MAF: variants seen among roughly 807,000 people sequenced by gnomAD.
MAF encodes the protein MAF bZIP transcription factor.
A neutral mutation model predicts 22.0 loss-of-function variants in MAF; 10 were observed. That is an observed-to-expected ratio of 0.45 (90% CI 0.28 to 0.77). MAF has a LOEUF of 0.77. MAF is among the 30% of genes least tolerant of loss of function. The pLI is 0.12. For synonymous variants in MAF, 337 were observed against 255.8 expected (o/e 1.32, Z -3.03); for missense variants, 544 against 548.4 (o/e 0.99, Z 0.08).
chr16:79,593,420 G>T (rs1201952913), downstream of MAF, among the ~76,000 whole-genome samples: 1 of 152,154 alleles, frequency 6.6e-6, no homozygotes, highest in Non-Finnish European at 1.5e-5. Context: ...AGGAAAACTG[G>T]CAGTGTGGCA....
the MAF span, among the ~76,000 whole-genome samples, chr16:79,312,704 C>CAG: frequency 6.6e-6 from 1 of 152,248 alleles, no homozygotes; most frequent in African/African-American, 2.4e-5. Context: ...TGAGCCGCTA[C>CAG]TTTCATATCT....
At chr16:79,411,523 CT>C in the MAF span, among the ~76,000 whole-genome samples, 1 of 152,136 alleles carries the variant, frequency 6.6e-6, no homozygotes, top group African/African-American at 2.4e-5. Flanking sequence ...GATGAGAGCC[CT>C]GCAGGGGTCT....
the MAF span, among the ~76,000 whole-genome samples, chr16:79,435,368 G>C: frequency 6.6e-6 from 1 of 152,166 alleles, no homozygotes; most frequent in African/African-American, 2.4e-5. Flanking sequence ...AAGCCTTGAT[G>C]TTCCTGGAAT....
the MAF span, among the ~76,000 whole-genome samples, chr16:79,347,059 A>T: frequency 1.3e-5 from 2 of 152,294 alleles, no homozygotes; most frequent in African/African-American, 4.8e-5. Flanking sequence ...AAGCTCCTTA[A>T]CCCAGCACCT....
At chr16:79,521,259 T>C in the MAF span, among the ~76,000 whole-genome samples, 2 of 152,358 alleles carry the variant, frequency 1.3e-5, no homozygotes, top group South Asian at 2.1e-4. Context: ...CAACATATCA[T>C]TGGATCTTAA....
the MAF span, among the ~76,000 whole-genome samples, chr16:79,247,624 C>T: frequency 1.3e-5 from 2 of 152,138 alleles, no homozygotes; most frequent in Non-Finnish European, 2.9e-5. Flanking sequence ...TAATGGGTGG[C>T]TATTTGCAAA....
chr16:79,267,885 G>A, the MAF span, among the ~76,000 whole-genome samples: 1 of 152,210 alleles, frequency 6.6e-6, no homozygotes, highest in East Asian at 1.9e-4. Flanking sequence ...GTGAGGATGG[G>A]GTGGGCTGGG....
rs928120975 is a variant in MAF at position 79,599,192 on chromosome 16, CCCGCCGCCTCCGCCGCCG to C, written c.693_710del (p.Gly233_Gly238del). On this transcript the variant is annotated inframe_deletion, in exon 1 of 2. Coordinates refer to ENST00000326043, the MANE Select transcript of MAF (RefSeq NM_005360.5). ...GGGCGCCCCCCGCCCCCGCCGCGCC[CCCGCCGCCTCCGCCGCCG>C]CCGCCGCCGCCGCCGCCCCCAGCGC... The C allele has an allele frequency of 4.3e-5, 44 of 1,026,634 alleles. No homozygotes were observed. The highest frequency in any genetic ancestry group is 1.4e-4 in the African/African-American group (8 of 57,824). 63.6% of individuals were successfully genotyped at this position (1,026,634 alleles called of 1,614,324 possible). A position where few individuals can be genotyped will look rare whatever the true frequency, so the allele number is the denominator to read the frequency against.
At chr16:79,515,388 C>G in the MAF span, among the ~76,000 whole-genome samples, 100 of 152,226 alleles carry the variant, frequency 6.6e-4, 1 homozygote, top group South Asian at 0.019. Flanking sequence ...CTTTGAATAC[C>G]CATACAAACA....
chr16:79,571,239 C>A, the MAF span, among the ~76,000 whole-genome samples: 3 of 152,008 alleles, frequency 2.0e-5, no homozygotes, highest in Non-Finnish European at 2.9e-5. Flanking sequence ...GGGGGATGAG[C>A]GGGAGGGAGG....
the MAF span, among the ~76,000 whole-genome samples, chr16:79,307,338 C>T: frequency 1.3e-5 from 2 of 152,188 alleles, no homozygotes; most frequent in Non-Finnish European, 2.9e-5. Context: ...CTTTGAGGTC[C>T]CAGACGTGGT....
the MAF span, among the ~76,000 whole-genome samples, chr16:79,441,530 T>C: frequency 1.3e-5 from 2 of 152,248 alleles, no homozygotes; most frequent in South Asian, 4.1e-4. Context: ...ATTTTACTTA[T>C]GGATTCCAAA....
chr16:79,231,010 A>G, the MAF span, among the ~76,000 whole-genome samples: 4 of 152,088 alleles, frequency 2.6e-5, no homozygotes, highest in Admixed American at 2.6e-4. Flanking sequence ...TCAAATATCT[A>G]TTTTAAAAAT....
At chr16:79,448,978 A>C in the MAF span, among the ~76,000 whole-genome samples, 428 of 152,292 alleles carry the variant, frequency 2.8e-3, 1 homozygote, top group African/African-American at 9.0e-3. Flanking sequence ...TGAAATAATT[A>C]TACAACTCAC....
the MAF span, among the ~76,000 whole-genome samples, chr16:79,523,660 C>T: frequency 1.1e-4 from 16 of 152,284 alleles, no homozygotes; most frequent in African/African-American, 3.8e-4. Context: ...ACAGTGGTCA[C>T]AAAGGTGCTC....
the MAF span, among the ~76,000 whole-genome samples, chr16:79,567,279 T>C: frequency 9.9e-5 from 15 of 152,052 alleles, no homozygotes; most frequent in East Asian, 2.7e-3. Flanking sequence ...GATCGTGCCA[T>C]TGCACTGTAG....
chr16:79,354,755 G>A, the MAF span, among the ~76,000 whole-genome samples: 23 of 152,292 alleles, frequency 1.5e-4, no homozygotes, highest in African/African-American at 2.6e-4. Flanking sequence ...CACTTTGAGC[G>A]GGATTTCCAT....
the MAF span, among the ~76,000 whole-genome samples, chr16:79,265,447 G>C: frequency 6.6e-6 from 1 of 152,104 alleles, no homozygotes; most frequent in Admixed American, 6.5e-5. Flanking sequence ...CTCTAAGGAA[G>C]AAATAAGTAC....
chr16:79,250,147 T>C, the MAF span, among the ~76,000 whole-genome samples: 2 of 152,248 alleles, frequency 1.3e-5, no homozygotes, highest in African/African-American at 2.4e-5. Context: ...CCACAAATAT[T>C]CCCTTTCAGG....
Sources: gnomAD v4.1 joint callset for allele counts (sites outside exome capture counted in the v4.1 genomes callset) on GRCh38, gnomAD v4.1.1 for gene constraint, MANE v1.5 for transcripts, NCBI Gene and HGNC (gene_info 2026-07-23, HGNC 2026-07-21) for gene names.